Variants in GPC6 observed in about 807,000 individuals in gnomAD.
GPC6 encodes the protein glypican 6.
A neutral mutation model predicts 55.2 loss-of-function variants in GPC6; 14 were observed. That is an observed-to-expected ratio of 0.25 (90% CI 0.17 to 0.40). The LOEUF (loss-of-function observed/expected upper bound fraction) is 0.40, where lower values mean the gene tolerates loss of function less well. Among genes scored for constraint, GPC6 ranks in the 10% least tolerant of loss-of-function variants. GPC6 has a pLI of 1.00. For synonymous variants in GPC6, 278 were observed against 259.6 expected, an observed-to-expected ratio of 1.07 and a Z score of -0.68; for missense variants, 641 against 708.5, an observed-to-expected ratio of 0.90 and a Z score of 1.08.
chr13:93,724,272 G>A (rs1883551697), intron 2 of GPC6, among the ~76,000 whole-genome samples: 1 of 151,810 alleles, frequency 6.6e-6, no homozygotes. Flanking sequence ...GCTTTCAGGG[G>A]GAGTTTGTTA....
intron 3 of GPC6, among the ~76,000 whole-genome samples, chr13:93,962,223 A>G (rs1300649238): frequency 1.3e-5 from 2 of 152,146 alleles, no homozygotes; most frequent in African/African-American, 4.8e-5. Context: ...TGACAGTCCA[A>G]CTTCAGCAAA....
At chr13:93,562,845 C>A (rs1298894529) in intron 2 of GPC6, among the ~76,000 whole-genome samples, 1 of 152,140 alleles carries the variant, frequency 6.6e-6, no homozygotes, top group Non-Finnish European at 1.5e-5. Context: ...ACATCATTAC[C>A]TTTTCTGTTT....
intron 6 of GPC6, among the ~76,000 whole-genome samples, chr13:94,347,651 T>C (rs921331737): frequency 7.1e-4 from 108 of 152,248 alleles, no homozygotes; most frequent in African/African-American, 2.5e-3. Flanking sequence ...AATGAGGCCA[T>C]TGGAAGTAAG....
chr13:93,519,053 T>C (rs1019931015), intron 1 of GPC6, among the ~76,000 whole-genome samples: 3 of 152,042 alleles, frequency 2.0e-5, no homozygotes, highest in African/African-American at 7.2e-5. Context: ...AGAGATCTTA[T>C]GTACCGCAAA....
intron 3 of GPC6, among the ~76,000 whole-genome samples, chr13:93,923,573 A>G (rs1042736208): frequency 3.3e-5 from 5 of 152,190 alleles, no homozygotes; most frequent in African/African-American, 1.2e-4. Flanking sequence ...TAGCAGACAT[A>G]ATACTTCTCC....
chr13:93,667,324 C>T (rs188480870), intron 2 of GPC6, among the ~76,000 whole-genome samples: 242 of 151,674 alleles, frequency 1.6e-3, no homozygotes, highest in African/African-American at 5.4e-3. Context: ...TAATTCCAGA[C>T]GATGTAAATC....
intron 1 of GPC6, among the ~76,000 whole-genome samples, chr13:93,255,577 T>C (rs1763118602): frequency 6.6e-6 from 1 of 152,212 alleles, no homozygotes; most frequent in South Asian, 2.1e-4. Flanking sequence ...TTCAATGTCA[T>C]ACATACTGAT....
chr13:94,403,487 C>T lies in GPC6; in HGVS notation c.*270C>T, dbSNP rs1165652001. 1 of 475,510 alleles carries T rather than the reference C, an allele frequency of 2.1e-6. No homozygotes were observed. The highest frequency in any genetic ancestry group is 3.8e-6 in the Non-Finnish European group (1 of 259,868). The allele number at this position is 475,510 out of a possible 1,614,324, so 29.5% of individuals were successfully genotyped here. ...CAAATTTTTCGTACCAGGAGATTTT[C>T]TTACCTTCATTTGCTTTTATGCTGC... On this transcript the variant is annotated 3_prime_UTR_variant, in exon 9 of 9. Transcript: ENST00000377047.
At chr13:93,809,632 GC>G (rs1185650409) in intron 2 of GPC6, among the ~76,000 whole-genome samples, 1 of 152,130 alleles carries the variant, frequency 6.6e-6, no homozygotes, top group Non-Finnish European at 1.5e-5. Flanking sequence ...CTCCATTTCT[GC>G]CCTGCTCGTT....
At position 94,343,661 on chromosome 13, in the gene GPC6, A is replaced by C. The variant is rs551022666; in HGVS notation, c.1152+37538A>C. On this transcript the variant is annotated intron_variant, in intron 6 of 8. Coordinates refer to ENST00000377047, the MANE Select transcript of GPC6 (RefSeq NM_005708.5). ...AAGGGGCTCAGGACACAACAGAGGC[A>C]CAGGAAATATATTTGTTGAAGAATA... is the stretch of plus-strand genomic sequence containing the variant. Among the ~76,000 whole-genome samples the C allele has an allele frequency of 5.3e-5, 8 of 152,360 alleles. No homozygotes were observed. In the South Asian group the frequency reaches 1.7e-3, roughly 32 times the overall value.
intron 4 of GPC6, among the ~76,000 whole-genome samples, chr13:94,280,251 C>A (rs1482899997): frequency 6.6e-6 from 1 of 152,120 alleles, no homozygotes; most frequent in Non-Finnish European, 1.5e-5. Context: ...TTTTCAGAGA[C>A]TGGGCCAGAG....
At position 93,292,327 on chromosome 13, in the gene GPC6, T is replaced by C. The variant is rs537489966; in HGVS notation, c.160+64711T>C. On this transcript the variant is annotated intron_variant, in intron 1 of 8. Transcript: ENST00000377047. ...GGAAGATTCATGATTTGGTGCCCTA[T>C]GCAAGTGGCAACTCATCTTCAGTGG... Among the ~76,000 whole-genome samples the C allele has an allele frequency of 1.3e-4, 20 of 152,314 alleles. No individual in the cohort carries two copies. The East Asian group carries it at 3.7e-3, about 28-fold the overall frequency.
intron 3 of GPC6, among the ~76,000 whole-genome samples, chr13:93,855,225 T>A (rs776964198): frequency 3.3e-5 from 5 of 151,746 alleles, no homozygotes; most frequent in South Asian, 4.2e-4. Flanking sequence ...GATATTTGTA[T>A]TGTCTCTATA....
chr13:94,118,558 C>T (rs625746), intron 4 of GPC6, among the ~76,000 whole-genome samples: 53,588 of 151,872 alleles, frequency 0.35, 9,817 homozygotes, highest in East Asian at 0.51. Context: ...GAACATATGG[C>T]GTTTCTCCTT....
chr13:94,073,448 T>G (rs886278775), intron 4 of GPC6, among the ~76,000 whole-genome samples: 3 of 152,128 alleles, frequency 2.0e-5, no homozygotes, highest in Admixed American at 1.3e-4. Context: ...ATATAAAAAT[T>G]TTTAAGGGGC....
chr13:93,523,065 A>G (rs920677633), intron 1 of GPC6, among the ~76,000 whole-genome samples: 2 of 151,346 alleles, frequency 1.3e-5, no homozygotes, highest in African/African-American at 4.8e-5. Flanking sequence ...ATGTGTATAC[A>G]TATACATATA....
chr13:93,801,751 C>T (rs751779924), intron 2 of GPC6, among the ~76,000 whole-genome samples: 55 of 152,138 alleles, frequency 3.6e-4, no homozygotes, highest in Non-Finnish European at 3.1e-4. Flanking sequence ...GGAATTCTTA[C>T]ACATTTTGTA....
chr13:93,990,439 G>C (rs1881245022), intron 3 of GPC6, among the ~76,000 whole-genome samples: 1 of 151,956 alleles, frequency 6.6e-6, no homozygotes, highest in Admixed American at 6.6e-5. Context: ...TATCTCATGA[G>C]GATAAAATGT....
chr13:93,646,055 A>G (rs957881400), intron 2 of GPC6, among the ~76,000 whole-genome samples: 6 of 152,146 alleles, frequency 3.9e-5, no homozygotes, highest in Non-Finnish European at 7.4e-5. Flanking sequence ...AAGTATCTGT[A>G]CATTTATAAG....
Sources: allele counts gnomAD v4.1 joint callset (sites outside exome capture counted in the v4.1 genomes callset), GRCh38; gene constraint gnomAD v4.1.1; transcripts MANE v1.5; gene names NCBI Gene and HGNC (gene_info 2026-07-23, HGNC 2026-07-21).